SAMD12: variants seen among roughly 807,000 people sequenced by gnomAD.
The protein encoded by SAMD12 is sterile alpha motif domain containing 12, also known as sterile alpha motif domain-containing protein 12.
SAMD12 carries 9 observed loss-of-function variants against 15.0 expected under a neutral mutation model. The observed-to-expected ratio is 0.60, with a 90% CI of 0.36 to 1.05. The LOEUF (loss-of-function observed/expected upper bound fraction) is 1.05. Among genes scored for constraint, SAMD12 ranks in the 50% least tolerant of loss-of-function variants. SAMD12 has a pLI of 0.01. For synonymous variants in SAMD12, 86 were observed against 90.1 expected, an observed-to-expected ratio of 0.96 and a Z score of 0.25; for missense variants, 230 against 234.2, an observed-to-expected ratio of 0.98 and a Z score of 0.12.
At chr8:118,576,408 C>T (rs936406517) in intron 2 of SAMD12, among the ~76,000 whole-genome samples, 2 of 152,166 alleles carry the variant, frequency 1.3e-5, no homozygotes, top group African/African-American at 4.8e-5. Context: ...GTTCCAGACT[C>T]GATTTCTGCC....
chr8:118,250,164 C>A, intron 4 of SAMD12, among the ~76,000 whole-genome samples: 1 of 152,130 alleles, frequency 6.6e-6, no homozygotes, highest in East Asian at 1.9e-4. Flanking sequence ...GCAGGGCACG[C>A]CAACATGTCA....
At chr8:118,509,759 A>T (rs1825023438) in intron 2 of SAMD12, among the ~76,000 whole-genome samples, 1 of 152,144 alleles carries the variant, frequency 6.6e-6, no homozygotes, top group Admixed American at 6.5e-5. Context: ...TTAAGTGTTT[A>T]TTTGATTTTT....
In SAMD12 at chr8:118,443,588, G is replaced by A. The variant is rs563721432; in HGVS notation, c.193-3627C>T. ...CCTACTGTTTGTCTCTTCTTAATCA[G>A]ATGGTAATAAAAGTATTGATACCAT... On this transcript the variant is annotated intron_variant, in intron 2 of 3. Transcript: ENST00000314727. 1.2e-4 allele frequency among the ~76,000 whole-genome samples: 18 copies of A among 152,286 alleles called. No individual in the cohort carries two copies. In the South Asian group the frequency reaches 3.7e-3, roughly 32 times the overall value.
chr8:118,318,982 TG>T (rs781336040), intron 4 of SAMD12, among the ~76,000 whole-genome samples: 8 of 151,990 alleles, frequency 5.3e-5, no homozygotes, highest in Admixed American at 2.6e-4. Context: ...GCATTTCTTG[TG>T]GGTAAGAGCT....
At chr8:118,566,849 A>G (rs74962906) in intron 2 of SAMD12, among the ~76,000 whole-genome samples, 1 of 152,196 alleles carries the variant, frequency 6.6e-6, no homozygotes, top group Non-Finnish European at 1.5e-5. Context: ...AGCTTTTAAA[A>G]GAAAAATGTC....
chr8:118,147,426 T>A, the SAMD12 span, among the ~76,000 whole-genome samples: 1 of 151,596 alleles, frequency 6.6e-6, no homozygotes, highest in Admixed American at 6.6e-5. Context: ...AATGGCGCAA[T>A]CTTGGCTCAC....
At chr8:118,208,062 AG>A (rs759161949) in intron 4 of SAMD12, among the ~76,000 whole-genome samples, 6 of 152,000 alleles carry the variant, frequency 3.9e-5, no homozygotes, top group Admixed American at 6.6e-5. Flanking sequence ...GTTCGAGACC[AG>A]TCTGATCAAC....
chr8:118,361,663 TAACA>T (rs1443136905), intron 4 of SAMD12, among the ~76,000 whole-genome samples: 1 of 152,230 alleles, frequency 6.6e-6, no homozygotes, highest in Non-Finnish European at 1.5e-5. Flanking sequence ...TTTCCTGCCC[TAACA>T]CACACAGACG....
At chr8:118,508,936 G>C (rs1292104364) in intron 2 of SAMD12, among the ~76,000 whole-genome samples, 1 of 151,890 alleles carries the variant, frequency 6.6e-6, no homozygotes, top group African/African-American at 2.4e-5. Flanking sequence ...CTGAAGTGAT[G>C]GGTCAAATTT....
intron 2 of SAMD12, among the ~76,000 whole-genome samples, chr8:118,458,587 T>C (rs919563421): frequency 3.9e-5 from 6 of 152,210 alleles, no homozygotes; most frequent in African/African-American, 1.4e-4. Context: ...CAAACTCATT[T>C]TCCACTGATT....
intron 4 of SAMD12, among the ~76,000 whole-genome samples, chr8:118,204,824 C>A (rs907530246): frequency 6.6e-6 from 1 of 152,058 alleles, no homozygotes; most frequent in African/African-American, 2.4e-5. Context: ...TGACAGAGAA[C>A]TTGGGTTAAG....
At chr8:118,536,258 C>T (rs971133923) in intron 2 of SAMD12, among the ~76,000 whole-genome samples, 2 of 152,178 alleles carry the variant, frequency 1.3e-5, no homozygotes, top group African/African-American at 4.8e-5. Flanking sequence ...CAGCTTTCCT[C>T]CTCTCCTGAT....
intron 1 of SAMD12, among the ~76,000 whole-genome samples, chr8:118,595,271 C>T (rs1827695736): frequency 6.6e-6 from 1 of 152,166 alleles, no homozygotes; most frequent in African/African-American, 2.4e-5. Flanking sequence ...TATATTCCTA[C>T]TTAGCTTTTC....
intron 2 of SAMD12, among the ~76,000 whole-genome samples, chr8:118,561,387 A>G (rs891010874): frequency 4.6e-5 from 7 of 152,240 alleles, no homozygotes; most frequent in Non-Finnish European, 8.8e-5. Context: ...TTTAACCTTT[A>G]TCATTTTCTT....
chr8:118,220,676 A>T lies in SAMD12; in HGVS notation c.434-22944T>A, dbSNP rs73318041. Among the ~76,000 whole-genome samples, 1,293 of 152,344 alleles carry T rather than the reference A, an allele frequency of 8.5e-3. 19 individuals are homozygous for T. The highest frequency in any genetic ancestry group is 0.029 in the African/African-American group (1,225 of 41,578). On this transcript the variant is annotated intron_variant, in intron 4 of 4. Coordinates refer to the SAMD12 transcript ENST00000409003. The stretch of plus-strand genomic sequence containing the variant: ...CATGATTCAAGCCACTTTAGCAGAG[A>T]AACAAGATCTAGACTTGGCCAAGCT...
At chr8:118,400,919 A>C (rs1563831225) in intron 3 of SAMD12, among the ~76,000 whole-genome samples, 1 of 152,252 alleles carries the variant, frequency 6.6e-6, no homozygotes, top group Non-Finnish European at 1.5e-5. Flanking sequence ...AACAGCTTGA[A>C]TTCAATGAAA....
chr8:118,158,412 T>C, the SAMD12 span, among the ~76,000 whole-genome samples: 5 of 152,234 alleles, frequency 3.3e-5, no homozygotes, highest in Admixed American at 1.3e-4. Context: ...GCAAGTTCCA[T>C]GGAGCTGGTG....
chr8:118,450,648 AGATT>A (rs776879050), intron 2 of SAMD12, among the ~76,000 whole-genome samples: 1 of 152,218 alleles, frequency 6.6e-6, no homozygotes, highest in Non-Finnish European at 1.5e-5. Flanking sequence ...ACAATGTGGT[AGATT>A]GATGACAAAA....
intron 4 of SAMD12, among the ~76,000 whole-genome samples, chr8:118,368,551 A>T (rs1311628310): frequency 6.6e-6 from 1 of 152,204 alleles, no homozygotes; most frequent in Non-Finnish European, 1.5e-5. Flanking sequence ...ATAGAAAAAG[A>T]TCACAAGGGA....
Sources: allele counts gnomAD v4.1 joint callset (sites outside exome capture counted in the v4.1 genomes callset), GRCh38; gene constraint gnomAD v4.1.1; transcripts MANE v1.5; gene names NCBI Gene and HGNC (gene_info 2026-07-23, HGNC 2026-07-21).